ROBO1: variants seen among roughly 807,000 people sequenced by gnomAD.
ROBO1 encodes roundabout guidance receptor 1.
A neutral mutation model predicts 195.9 loss-of-function variants in ROBO1; 149 were observed. The observed-to-expected ratio is 0.76, with a 90% CI of 0.67 to 0.87. The LOEUF (loss-of-function observed/expected upper bound fraction) is 0.87. ROBO1 is among the 40% of genes least tolerant of loss of function. The pLI is 0.00. For synonymous variants in ROBO1, 816 were observed against 733.2 expected, an observed-to-expected ratio of 1.11 and a Z score of -1.82; for missense variants, 1,933 against 2,068.3, an observed-to-expected ratio of 0.93 and a Z score of 1.27.
At chr3:79,193,393 C>T (rs1004032243) in intron 2 of ROBO1, among the ~76,000 whole-genome samples, 6 of 151,412 alleles carry the variant, frequency 4.0e-5, no homozygotes, top group African/African-American at 1.5e-4. Flanking sequence ...ATGAAATAGT[C>T]ATTATTATTC....
intron 21 of ROBO1, among the ~76,000 whole-genome samples, chr3:78,640,697 G>A (rs1705888241): frequency 6.6e-6 from 1 of 152,096 alleles, no homozygotes; most frequent in Non-Finnish European, 1.5e-5. Context: ...ACAGAGCCAG[G>A]GACTCAAACT....
chr3:78,681,004 T>G (rs1413445230), intron 10 of ROBO1, among the ~76,000 whole-genome samples: 239 of 151,622 alleles, frequency 1.6e-3, no homozygotes, highest in African/African-American at 5.0e-3. Flanking sequence ...TATGCAGCCA[T>G]AAAAAATGAT....
At chr3:78,684,418 C>G (rs1195472396) in intron 10 of ROBO1, among the ~76,000 whole-genome samples, 1 of 152,080 alleles carries the variant, frequency 6.6e-6, no homozygotes, top group Non-Finnish European at 1.5e-5. Flanking sequence ...TGGAAGCCTT[C>G]TATGGTCTTG....
chr3:79,387,903 G>C (rs994396458), intron 2 of ROBO1, among the ~76,000 whole-genome samples: 1 of 152,028 alleles, frequency 6.6e-6, no homozygotes, highest in South Asian at 2.1e-4. Context: ...CATGTGGACG[G>C]CCTTATGAGC....
At chr3:79,115,600 T>C (rs2079978936) in intron 3 of ROBO1, among the ~76,000 whole-genome samples, 1 of 152,134 alleles carries the variant, frequency 6.6e-6, no homozygotes, top group Non-Finnish European at 1.5e-5. Context: ...TGACCACCAA[T>C]ACTGCCTATA....
At chr3:79,551,990 A>T (rs1465090883) in intron 2 of ROBO1, among the ~76,000 whole-genome samples, 2 of 129,258 alleles carry the variant, frequency 1.5e-5, no homozygotes, top group Non-Finnish European at 3.6e-5. Context: ...TAAAAAAAAA[A>T]AAAAAAAAAA....
chr3:79,326,047 C>G (rs2034198673), intron 2 of ROBO1, among the ~76,000 whole-genome samples: 1 of 151,972 alleles, frequency 6.6e-6, no homozygotes, highest in Non-Finnish European at 1.5e-5. Context: ...TGAAATAGAC[C>G]CCAGTCTCCC....
At chr3:79,033,806 A>C (rs2078336505) in intron 3 of ROBO1, among the ~76,000 whole-genome samples, 1 of 152,176 alleles carries the variant, frequency 6.6e-6, no homozygotes, top group African/African-American at 2.4e-5. Context: ...ATATATATTA[A>C]AATACTCTGG....
intron 2 of ROBO1, among the ~76,000 whole-genome samples, chr3:79,384,787 C>A (rs2036682513): frequency 6.6e-6 from 1 of 152,000 alleles, no homozygotes; most frequent in South Asian, 2.1e-4. Context: ...TGATAATATT[C>A]ATAATTACAT....
At chr3:78,658,091 G>T (rs1017049818) in intron 17 of ROBO1, among the ~76,000 whole-genome samples, 9 of 152,082 alleles carry the variant, frequency 5.9e-5, no homozygotes, top group Admixed American at 6.5e-5. Flanking sequence ...TGATTAACTT[G>T]GCTAATAATA....
chr3:78,727,958 T>C (rs2082202970), intron 5 of ROBO1, among the ~76,000 whole-genome samples: 1 of 152,138 alleles, frequency 6.6e-6, no homozygotes, highest in African/African-American at 2.4e-5. Context: ...TAAAATTCTA[T>C]GTATTTATGA....
At chr3:79,298,547 C>G (rs1034974366) in intron 2 of ROBO1, among the ~76,000 whole-genome samples, 2 of 152,000 alleles carry the variant, frequency 1.3e-5, no homozygotes, top group African/African-American at 2.4e-5. Flanking sequence ...ATTACTTTAA[C>G]ATAGGGATAG....
intron 2 of ROBO1, among the ~76,000 whole-genome samples, chr3:79,552,963 T>C (rs1942575238): frequency 6.6e-6 from 1 of 152,096 alleles, no homozygotes; most frequent in Admixed American, 6.6e-5. Context: ...TTATGGCTCA[T>C]GTAAACAAAT....
At chr3:79,449,308 C>T (rs1038314199) in intron 2 of ROBO1, among the ~76,000 whole-genome samples, 1 of 150,824 alleles carries the variant, frequency 6.6e-6, no homozygotes, top group Non-Finnish European at 1.5e-5. Flanking sequence ...AAATAGCAAA[C>T]CTCCTGCATT....
intron 1 of ROBO1, among the ~76,000 whole-genome samples, chr3:79,682,123 C>T (rs1946967435): frequency 6.6e-6 from 1 of 151,924 alleles, no homozygotes; most frequent in African/African-American, 2.4e-5. Context: ...AAAATTAATA[C>T]TATATCTTCA....
At chr3:79,293,162 A>T (rs925531779) in intron 2 of ROBO1, among the ~76,000 whole-genome samples, 1 of 152,100 alleles carries the variant, frequency 6.6e-6, no homozygotes, top group African/African-American at 2.4e-5. Context: ...GTTTATTTGC[A>T]TAGAGGTGTT....
chr3:78,931,723 C>T (rs970720220), intron 4 of ROBO1, among the ~76,000 whole-genome samples: 1 of 151,976 alleles, frequency 6.6e-6, no homozygotes, highest in Non-Finnish European at 1.5e-5. Flanking sequence ...CACAGCACTT[C>T]GGGAGGCCAA....
chr3:78,670,057 G>A (rs1163706448), intron 11 of ROBO1, 39 bp downstream of exon 11: 1 of 1,519,210 alleles, frequency 6.6e-7, no homozygotes. Flanking sequence ...GAAACAAAGT[G>A]AAACAAAACA....
At chr3:78,989,518 G>A (rs1275126795) in intron 3 of ROBO1, among the ~76,000 whole-genome samples, 2 of 152,212 alleles carry the variant, frequency 1.3e-5, no homozygotes, top group Admixed American at 6.5e-5. Context: ...GGAGGCTGAC[G>A]TGGGAGGATC....
Sources: allele counts gnomAD v4.1 joint callset (sites outside exome capture counted in the v4.1 genomes callset), GRCh38; gene constraint gnomAD v4.1.1; transcripts MANE v1.5; gene names NCBI Gene and HGNC (gene_info 2026-07-23, HGNC 2026-07-21).